DCAF7: variants seen among roughly 807,000 people sequenced by gnomAD.
DCAF7 encodes the protein DDB1 and CUL4 associated factor 7.
DCAF7 carries 4 observed loss-of-function variants against 41.2 expected under a neutral mutation model. The ratio of observed to expected loss-of-function variants is 0.10; its 90% CI spans 0.05 to 0.22. The LOEUF is 0.22. Among genes scored for constraint, DCAF7 ranks in the 10% least tolerant of loss-of-function variants. The pLI is 1.00. For synonymous variants in DCAF7, 143 were observed against 164.2 expected (o/e 0.87, Z 0.99); for missense variants, 131 against 443.2 (o/e 0.30, Z 6.32).
At chr17:63,556,340 C>G (rs1458784456) in intron 1 of DCAF7, among the ~76,000 whole-genome samples, 1 of 151,944 alleles carries the variant, frequency 6.6e-6, no homozygotes, top group East Asian at 1.9e-4. Flanking sequence ...GAGGTGGATG[C>G]AGGCAGATCA....
chr17:63,587,424 A>G (rs906287042), intron 6 of DCAF7, among the ~76,000 whole-genome samples: 3 of 152,018 alleles, frequency 2.0e-5, no homozygotes, highest in Non-Finnish European at 2.9e-5. Flanking sequence ...CTGGCCCCGT[A>G]GAAGCCCCAT....
chr17:63,576,239 C>T (rs541796207), intron 1 of DCAF7, among the ~76,000 whole-genome samples: 3 of 151,898 alleles, frequency 2.0e-5, no homozygotes, highest in South Asian at 2.1e-4. Context: ...GTCAAGAGTT[C>T]GAGACTAGAC....
chr17:63,559,413 A>G lies in DCAF7; in HGVS notation c.138+8598A>G, dbSNP rs55999574. Among the ~76,000 whole-genome samples the G allele has an allele frequency of 4.9e-3, 466 of 95,670 alleles. 19 individuals carry two copies. Among genetic ancestry groups the G allele is most frequent in the African/African-American group, 0.033 (440 of 13,446 alleles). The allele number at this position is 95,670 out of a possible 152,430, so 62.8% of individuals were successfully genotyped here. A position where few individuals can be genotyped will look rare whatever the true frequency, so the allele number is the denominator to read the frequency against. ...TATATATATATGTATATATATGTAT[A>G]TATATACGTATATATATATGTGTGT... is the stretch of plus-strand genomic sequence containing the variant. On this transcript the variant is annotated intron_variant, in intron 1 of 6. Transcript: ENST00000614556.
chr17:63,562,644 C>T (rs190215372), intron 1 of DCAF7, among the ~76,000 whole-genome samples: 2 of 149,866 alleles, frequency 1.3e-5, no homozygotes, highest in African/African-American at 2.4e-5. Flanking sequence ...CCCACTAACT[C>T]GTCATCTAGC....
At chr17:63,578,330 C>G in intron 1 of DCAF7, 140 bp from the exon 2 acceptor site, 1 of 1,218,928 alleles carries the variant, frequency 8.2e-7, no homozygotes, top group South Asian at 1.5e-5. Flanking sequence ...CACCACTGCA[C>G]TCCAGCCTGG....
intron 1 of DCAF7, among the ~76,000 whole-genome samples, chr17:63,554,527 A>G (rs1266237060): frequency 6.6e-6 from 1 of 152,224 alleles, no homozygotes; most frequent in Non-Finnish European, 1.5e-5. Context: ...CTTCCATCCA[A>G]GTTCACCCAT....
At chr17:63,564,453 C>T (rs116112403) in intron 1 of DCAF7, among the ~76,000 whole-genome samples, 2,293 of 152,274 alleles carry the variant, frequency 0.015, 64 homozygotes, top group African/African-American at 0.052. Flanking sequence ...GGAAACCTAG[C>T]ATCATTTTAT....
chr17:63,557,345 A>C (rs2033321716), intron 1 of DCAF7, among the ~76,000 whole-genome samples: 2 of 152,116 alleles, frequency 1.3e-5, no homozygotes, highest in Middle Eastern at 3.2e-3. Flanking sequence ...TAAAAGCCAC[A>C]TTGGAAACAG....
intron 4 of DCAF7, among the ~76,000 whole-genome samples, chr17:63,580,848 C>T (rs544800195): frequency 1.3e-5 from 2 of 152,252 alleles, no homozygotes; most frequent in African/African-American, 4.8e-5. Context: ...AAGCATTCTT[C>T]TCAGTGATTT....
chr17:63,556,879 T>C (rs2033316858), intron 1 of DCAF7, among the ~76,000 whole-genome samples: 1 of 151,684 alleles, frequency 6.6e-6, no homozygotes, highest in Admixed American at 6.6e-5. Flanking sequence ...AAAAAACAAA[T>C]TAGCTGGGAG....
Position 63,550,494 on chromosome 17 carries a change from T to G in DCAF7, c.-184T>G. 18 of 975,142 alleles carry G rather than the reference T, an allele frequency of 1.8e-5. No individual in the cohort carries two copies. The highest frequency in any genetic ancestry group is 2.0e-5 in the Non-Finnish European group (14 of 695,192). 60.4% of individuals were successfully genotyped at this position (975,142 alleles called of 1,614,324 possible). The stretch of plus-strand genomic sequence containing the variant: ...AGGTGGTTGTCGTCCGTTCCCAAGC[T>G]GGTTTGAAACTAGGGGTCGGGCTCG... On this transcript the variant is annotated 5_prime_UTR_variant, in exon 1 of 7. Transcript: ENST00000614556. The surrounding 1 kb of genome is among the most constrained non-coding windows in gnomAD (Gnocchi z 4.8).
At chr17:63,578,979 G>A (rs1024722058) in intron 2 of DCAF7, among the ~76,000 whole-genome samples, 12 of 152,202 alleles carry the variant, frequency 7.9e-5, no homozygotes, top group South Asian at 2.1e-4. Flanking sequence ...CTGATAAAGT[G>A]TGTGAGTGGA....
In DCAF7 at chr17:63,561,823, T is replaced by A. The variant is rs548408273; in HGVS notation, c.138+11008T>A. 3.5e-4 allele frequency among the ~76,000 whole-genome samples: 53 copies of A among 152,006 alleles called. 1 individual carries two copies. Among genetic ancestry groups the A allele is most frequent in the Non-Finnish European group, 6.0e-4 (41 of 67,984 alleles). ...AAAAACTGTGTATTTAGAAAAAAAA[T>A]TTTTTTAAGTTGAAATCAACTGATT... On this transcript the variant is annotated intron_variant, in intron 1 of 6. Transcript: ENST00000614556.
intron 1 of DCAF7, among the ~76,000 whole-genome samples, chr17:63,575,082 T>TGA (rs1474063819): frequency 2.0e-5 from 3 of 152,058 alleles, no homozygotes; most frequent in African/African-American, 7.2e-5. Flanking sequence ...TCTGTCAGGC[T>TGA]GAGATGGGCA....
intron 1 of DCAF7, among the ~76,000 whole-genome samples, chr17:63,565,935 T>A (rs2033435395): frequency 6.6e-6 from 1 of 152,020 alleles, no homozygotes; most frequent in African/African-American, 2.4e-5. Context: ...ACCCTGTCTC[T>A]ACTAAAAATA....
chr17:63,575,804 C>T (rs772078356), intron 1 of DCAF7, among the ~76,000 whole-genome samples: 13 of 152,268 alleles, frequency 8.5e-5, no homozygotes, highest in Non-Finnish European at 1.9e-4. Flanking sequence ...AGATTCAACA[C>T]AATCCCAATC....
chr17:63,583,220 G>A (rs1329990030), intron 4 of DCAF7, among the ~76,000 whole-genome samples: 2 of 152,234 alleles, frequency 1.3e-5, no homozygotes, highest in Admixed American at 6.5e-5. Context: ...GGTCAGCAGG[G>A]CATGTGCCTT....
chr17:63,584,737 G>C (rs1160309958), intron 5 of DCAF7, among the ~76,000 whole-genome samples: 1 of 152,220 alleles, frequency 6.6e-6, no homozygotes, highest in Non-Finnish European at 1.5e-5. Flanking sequence ...ACTCCAGCCT[G>C]GTGACAGGGC....
At chr17:63,559,185 C>T (rs956238755) in intron 1 of DCAF7, among the ~76,000 whole-genome samples, 8 of 150,752 alleles carry the variant, frequency 5.3e-5, no homozygotes, top group African/African-American at 1.7e-4. Context: ...GTGGTGGGCA[C>T]CTGTAATCCT....
Sources: allele counts gnomAD v4.1 joint callset (sites outside exome capture counted in the v4.1 genomes callset), GRCh38; gene constraint gnomAD v4.1.1; non-coding constraint Gnocchi (gnomAD v3.1); transcripts MANE v1.5; gene names NCBI Gene and HGNC (gene_info 2026-07-23, HGNC 2026-07-21).